The following SLC9C2 variants were observed in gnomAD, a reference collection of about 807,000 sequenced individuals.
The protein encoded by SLC9C2 is sodium/hydrogen exchanger 11.
SLC9C2 carries 75 observed loss-of-function variants against 140.2 expected under a neutral mutation model. That is an observed-to-expected ratio of 0.53 (90% confidence interval 0.44 to 0.65). SLC9C2 has a LOEUF of 0.65. Ranked by LOEUF, SLC9C2 falls within the 30% of genes least tolerant of loss-of-function variation. The pLI is 0.00. For synonymous variants in SLC9C2, 375 were observed against 420.9 expected (o/e 0.89, Z 1.34); for missense variants, 1,074 against 1,331.8 (o/e 0.81, Z 3.01).
chr1:173,557,792 G>C (rs879911112), intron 9 of SLC9C2, among the ~76,000 whole-genome samples: 2 of 152,134 alleles, frequency 1.3e-5, no homozygotes, highest in Admixed American at 6.6e-5. Flanking sequence ...GGTAGTAAAT[G>C]CTCACAGGGA....
At chr1:173,590,411 C>T (rs1234749570) in intron 4 of SLC9C2, among the ~76,000 whole-genome samples, 2 of 151,924 alleles carry the variant, frequency 1.3e-5, no homozygotes, top group African/African-American at 4.8e-5. Flanking sequence ...CACAGTGAAA[C>T]TAAAATAGTC....
intron 3 of SLC9C2, 95 bp downstream of exon 3, chr1:173,600,022 A>G (rs1226340744): frequency 3.9e-6 from 3 of 766,482 alleles, no homozygotes; most frequent in African/African-American, 3.5e-5. Flanking sequence ...TGTTCCCATA[A>G]GAAAAAACAT....
At chr1:173,506,048 T>C (rs1659617230) in intron 25 of SLC9C2, among the ~76,000 whole-genome samples, 1 of 152,246 alleles carries the variant, frequency 6.6e-6, no homozygotes, top group South Asian at 2.1e-4. Context: ...AAGATTTTAA[T>C]TTTCTATTAA....
chr1:173,553,561 T>G (rs1049702078), intron 11 of SLC9C2, among the ~76,000 whole-genome samples: 2 of 152,236 alleles, frequency 1.3e-5, no homozygotes, highest in African/African-American at 4.8e-5. Context: ...AGCAAAAAGA[T>G]TATGAATTGC....
At chr1:173,539,950 C>T (rs181805811) in intron 13 of SLC9C2, among the ~76,000 whole-genome samples, 15 of 152,150 alleles carry the variant, frequency 9.9e-5, no homozygotes, top group East Asian at 9.6e-4. Context: ...CAATTGGCAT[C>T]GCTGTTTCCC....
At chr1:173,545,461 C>T (rs528098137) in intron 13 of SLC9C2, among the ~76,000 whole-genome samples, 58 of 152,260 alleles carry the variant, frequency 3.8e-4, no homozygotes, top group Non-Finnish European at 7.4e-4. Flanking sequence ...GCCATGGACA[C>T]GTAATTTCTC....
At chr1:173,508,598 G>A (rs2101897152) in intron 24 of SLC9C2, among the ~76,000 whole-genome samples, 1 of 152,206 alleles carries the variant, frequency 6.6e-6, no homozygotes, top group Middle Eastern at 3.4e-3. Context: ...AGTTATTATT[G>A]CAATAAAGTA....
intron 21 of SLC9C2, 96 bp from the exon 22 acceptor site, chr1:173,521,495 ATATGATTTTAT>A: frequency 8.3e-6 from 2 of 240,924 alleles, no homozygotes; most frequent in Non-Finnish European, 1.5e-5. Flanking sequence ...ATATATATAT[ATATGATTTTAT>A]TATATATGTG....
intron 9 of SLC9C2, among the ~76,000 whole-genome samples, chr1:173,562,126 C>T (rs943008822): frequency 5.9e-5 from 9 of 152,104 alleles, no homozygotes; most frequent in Non-Finnish European, 1.3e-4. Flanking sequence ...TTAAGGTCAT[C>T]GTTCAAGTCA....
rs1200024859 is a variant in SLC9C2 at position 173,550,871 on chromosome 1, A to AG, written c.1298-2320_1298-2319insC. Among the ~76,000 whole-genome samples, 17 of 105,400 alleles carry AG rather than the reference A, an allele frequency of 1.6e-4. 1 individual carries two copies. Among genetic ancestry groups the AG allele is most frequent in the African/African-American group, 6.5e-4 (16 of 24,676 alleles). 69.1% of individuals were successfully genotyped at this position (105,400 alleles called of 152,430 possible). A position where few individuals can be genotyped will look rare whatever the true frequency, so the allele number is the denominator to read the frequency against. ...GCCTGGGCAAGATAGTGAGCCGTTG[A>AG]AAGAGAGAGAGAGAGAGAGAGAGAG... is the stretch of plus-strand genomic sequence containing the variant. On this transcript the variant is annotated intron_variant, in intron 11 of 27. Transcript: ENST00000367714.
chr1:173,525,193 T>C (rs1661112935), intron 19 of SLC9C2, among the ~76,000 whole-genome samples: 1 of 152,178 alleles, frequency 6.6e-6, no homozygotes, highest in African/African-American at 2.4e-5. Context: ...ATCTCTATTA[T>C]GGAACTCATT....
At chr1:173,525,419 A>G (rs1661128065) in intron 19 of SLC9C2, among the ~76,000 whole-genome samples, 1 of 152,184 alleles carries the variant, frequency 6.6e-6, no homozygotes, top group South Asian at 2.1e-4. Flanking sequence ...TTTCATCTTC[A>G]TATTCAACAT....
rs779086150 is a variant in SLC9C2, at chr1:173,501,095, C to G, written c.3374G>C (p.Ter1125SerextTer32). 1.3e-6 allele frequency: 2 copies of G among 1,533,212 alleles called. No homozygotes were observed. The highest frequency in any genetic ancestry group is 1.8e-6 in the Non-Finnish European group (2 of 1,139,214). The allele number at this position is 1,533,212 out of a possible 1,614,324, so 95.0% of individuals were successfully genotyped here. Reference sequence around the variant, plus strand: ...CTTTTCTAAAATGGTATCCAGTTTTCAACTATAAAAGAAAGTCAAAAGTTA... The same window carrying G: ...CTTTTCTAAAATGGTATCCAGTTTTGAACTATAAAAGAAAGTCAAAAGTTA... ...KNINGRQKMS[*>S] Residue 1125 changes from the stop codon to serine, a stop_lost and splice_region_variant, in exon 28 of 28, where the codon TGA (stop) becomes TCA (serine). Transcript: ENST00000367714.
intron 23 of SLC9C2, among the ~76,000 whole-genome samples, chr1:173,516,304 A>T (rs771668248): frequency 6.6e-6 from 1 of 152,250 alleles, no homozygotes; most frequent in Non-Finnish European, 1.5e-5. Flanking sequence ...GTTTAAAAAC[A>T]AACAAGTATT....
At chr1:173,545,684 T>A (rs2102047320) in intron 13 of SLC9C2, among the ~76,000 whole-genome samples, 1 of 152,332 alleles carries the variant, frequency 6.6e-6, no homozygotes, top group East Asian at 1.9e-4. Flanking sequence ...AGGATGTAGC[T>A]TTTTGGGTTC....
In SLC9C2 at chr1:173,582,010, TAAAAAAAAGAA is replaced by T. The variant is rs773857275; in HGVS notation, c.641-13_641-3del. Reference sequence around the variant, plus strand: ...TGAGTTCAATGCCTACATGTAAATCTAAAAAAAAGAAAGAAAAAATAAGAAATAAAAACTTG... The same window carrying T: ...TGAGTTCAATGCCTACATGTAAATCTAGAAAAAATAAGAAATAAAAACTTG... On this transcript the variant is annotated splice_polypyrimidine_tract_variant and splice_region_variant and intron_variant, in intron 6 of 27. Transcript: ENST00000367714. The T allele has an allele frequency of 6.6e-7, 1 of 1,505,628 alleles. No homozygotes were observed. The highest frequency in any genetic ancestry group is 1.3e-5 in the South Asian group (1 of 74,656). The allele number at this position is 1,505,628 out of a possible 1,614,324, so 93.3% of individuals were successfully genotyped here. A position where few individuals can be genotyped will look rare whatever the true frequency, so the allele number is the denominator to read the frequency against.
At chr1:173,538,648 G>A (rs1183882358) in intron 13 of SLC9C2, among the ~76,000 whole-genome samples, 1 of 152,142 alleles carries the variant, frequency 6.6e-6, no homozygotes, top group Non-Finnish European at 1.5e-5. Context: ...TGGAGGAGAT[G>A]ATACTTCAAC....
chr1:173,500,953 A>C lies in SLC9C2; in HGVS notation c.*141T>G. On this transcript the variant is annotated 3_prime_UTR_variant, in exon 28 of 28. Transcript: ENST00000367714. ...TTGCTTATAAACTAAATGCAGCAGT[A>C]ACCTGTTTCAGTAGCTTCTAAGTAA... 1.1e-6 allele frequency: 1 copy of C among 946,050 alleles called. No homozygotes were observed. The highest frequency in any genetic ancestry group is 1.4e-6 in the Non-Finnish European group (1 of 707,078). The allele number at this position is 946,050 out of a possible 1,614,324, so 58.6% of individuals were successfully genotyped here.
chr1:173,543,824 C>A lies in SLC9C2; in HGVS notation c.1557+3865G>T, dbSNP rs183325171. ...CATACGTAGAAAGCTGAAACTGGAT[C>A]CCTTCCTTACACCTTATACAAAAAT... On this transcript the variant is annotated intron_variant, in intron 13 of 27. Coordinates refer to ENST00000367714, the MANE Select transcript of SLC9C2 (RefSeq NM_178527.4). 1.6e-3 allele frequency among the ~76,000 whole-genome samples: 239 copies of A among 152,276 alleles called. 1 individual carries two copies. Among genetic ancestry groups the A allele is most frequent in the Non-Finnish European group, 2.5e-3 (173 of 68,022 alleles).
Sources: allele counts gnomAD v4.1 joint callset (sites outside exome capture counted in the v4.1 genomes callset), GRCh38; gene constraint gnomAD v4.1.1; transcripts MANE v1.5; gene names NCBI Gene and HGNC (gene_info 2026-07-23, HGNC 2026-07-21).